The following GALNT13 variants were observed in gnomAD, a reference collection of about 807,000 sequenced individuals.
GALNT13 encodes the protein polypeptide N-acetylgalactosaminyltransferase 13, also known as UDP-GalNAc:polypeptide N-acetylgalactosaminyltransferase 13.
A neutral mutation model predicts 64.2 loss-of-function variants in GALNT13; 28 were observed. The ratio of observed to expected loss-of-function variants is 0.44; its 90% CI spans 0.32 to 0.60. GALNT13 has a LOEUF of 0.60. Among genes scored for constraint, GALNT13 ranks in the 20% least tolerant of loss-of-function variants. The pLI is 0.05. For synonymous variants in GALNT13, 214 were observed against 224.6 expected, an observed-to-expected ratio of 0.95 and a Z score of 0.42; for missense variants, 577 against 669.8, an observed-to-expected ratio of 0.86 and a Z score of 1.53.
chr2:153,716,551 A>C, the GALNT13 span, among the ~76,000 whole-genome samples: 1 of 152,110 alleles, frequency 6.6e-6, no homozygotes, highest in Non-Finnish European at 1.5e-5. Context: ...AGTTCAGAAA[A>C]ACCTCTATGA....
At chr2:154,201,319 G>A (rs1687155850) in intron 4 of GALNT13, among the ~76,000 whole-genome samples, 1 of 152,120 alleles carries the variant, frequency 6.6e-6, no homozygotes, top group Non-Finnish European at 1.5e-5. Context: ...ATCCTGGCAT[G>A]TCATAGAAGC....
At chr2:153,243,592 G>A in the GALNT13 span, among the ~76,000 whole-genome samples, 1 of 152,248 alleles carries the variant, frequency 6.6e-6, no homozygotes, top group South Asian at 2.1e-4. Flanking sequence ...GAAGCAGAAT[G>A]TGTTTTTGCA....
chr2:153,267,035 G>A, the GALNT13 span, among the ~76,000 whole-genome samples: 1 of 152,202 alleles, frequency 6.6e-6, no homozygotes, highest in Admixed American at 6.5e-5. Flanking sequence ...GGAGAAATTG[G>A]CCAAAACAAA....
At chr2:153,748,801 C>A in the GALNT13 span, among the ~76,000 whole-genome samples, 1 of 152,006 alleles carries the variant, frequency 6.6e-6, no homozygotes, top group East Asian at 1.9e-4. Flanking sequence ...TCCATTTATG[C>A]TTTGGTTGCC....
chr2:153,635,141 C>T, the GALNT13 span, among the ~76,000 whole-genome samples: 3 of 151,968 alleles, frequency 2.0e-5, no homozygotes, highest in African/African-American at 4.8e-5. Flanking sequence ...AGGTGAGACT[C>T]TTGAAGCAAA....
At chr2:153,628,578 G>A in the GALNT13 span, among the ~76,000 whole-genome samples, 1 of 151,970 alleles carries the variant, frequency 6.6e-6, no homozygotes, top group Admixed American at 6.6e-5. Context: ...TTTGTCAAAG[G>A]CCTTTTCTGC....
At chr2:153,989,078 C>T (rs1694995881) in intron 3 of GALNT13, among the ~76,000 whole-genome samples, 1 of 151,894 alleles carries the variant, frequency 6.6e-6, no homozygotes, top group African/African-American at 2.4e-5. Flanking sequence ...TTTCCAGTGC[C>T]TTAAGAATGC....
intron 2 of GALNT13, among the ~76,000 whole-genome samples, chr2:153,915,902 C>T (rs896217467): frequency 1.3e-5 from 2 of 152,252 alleles, no homozygotes; most frequent in Non-Finnish European, 2.9e-5. Flanking sequence ...TCTACCTACC[C>T]ATCATTACTC....
intron 3 of GALNT13, among the ~76,000 whole-genome samples, chr2:154,108,175 G>T (rs1041904952): frequency 7.3e-5 from 11 of 149,768 alleles, no homozygotes; most frequent in African/African-American, 2.7e-4. Flanking sequence ...CTTTTTTTGA[G>T]GAATCTCTGT....
intron 3 of GALNT13, among the ~76,000 whole-genome samples, chr2:154,123,419 A>G (rs1490355362): frequency 1.3e-5 from 2 of 152,154 alleles, no homozygotes; most frequent in Non-Finnish European, 1.5e-5. Flanking sequence ...GGGGATCAAG[A>G]TGACAAAATA....
chr2:153,334,994 A>C, the GALNT13 span, among the ~76,000 whole-genome samples: 1 of 152,084 alleles, frequency 6.6e-6, no homozygotes, highest in Non-Finnish European at 1.5e-5. Flanking sequence ...TTCCCATGCT[A>C]TTCAAGTGAT....
In GALNT13 at chr2:154,446,195, T is replaced by C. The variant is rs146022766; in HGVS notation, c.1531-4216T>C. Among the ~76,000 whole-genome samples, 547 of 152,230 alleles carry C rather than the reference T, an allele frequency of 3.6e-3. 4 individuals are homozygous for C. The highest frequency in any genetic ancestry group is 0.012 in the African/African-American group (512 of 41,556). ...GAAAGAATGAGGAGGCCAAGGGCCA[T>C]AGCTGGACTAATCAACTATTTTGAA... On this transcript the variant is annotated intron_variant, in intron 12 of 12. Transcript: ENST00000392825.
chr2:154,230,584 A>T (rs1327598692), intron 4 of GALNT13, among the ~76,000 whole-genome samples: 1 of 152,146 alleles, frequency 6.6e-6, no homozygotes, highest in Non-Finnish European at 1.5e-5. Context: ...CTAGATAAAC[A>T]GGGTGTTTTA....
intron 4 of GALNT13, among the ~76,000 whole-genome samples, chr2:154,179,675 G>C (rs898445524): frequency 1.3e-5 from 2 of 151,954 alleles, no homozygotes; most frequent in South Asian, 2.1e-4. Flanking sequence ...CCACAAAGAC[G>C]TACTAAATGC....
intron 2 of GALNT13, among the ~76,000 whole-genome samples, chr2:153,912,938 C>T (rs372328937): frequency 6.6e-6 from 1 of 152,196 alleles, no homozygotes; most frequent in Non-Finnish European, 1.5e-5. Flanking sequence ...CACTTGTCAG[C>T]TGTGGCAGGG....
the GALNT13 span, among the ~76,000 whole-genome samples, chr2:153,725,593 G>T: frequency 6.6e-6 from 1 of 151,930 alleles, no homozygotes; most frequent in African/African-American, 2.4e-5. Context: ...ATAGGGAATA[G>T]CTGAGAAAAT....
chr2:153,531,721 A>G, the GALNT13 span, among the ~76,000 whole-genome samples: 1 of 152,200 alleles, frequency 6.6e-6, no homozygotes, highest in Non-Finnish European at 1.5e-5. Context: ...ATAACTACTT[A>G]GTTACTTTGA....
chr2:154,145,070 CTCTATCTA>C (rs57991813), intron 4 of GALNT13, among the ~76,000 whole-genome samples: 6,705 of 135,796 alleles, frequency 0.049, 270 homozygotes, highest in East Asian at 0.11. Context: ...CTCTCTCTCT[CTCTATCTA>C]TCTATCTATC....
the GALNT13 span, among the ~76,000 whole-genome samples, chr2:153,730,228 T>C: frequency 2.0e-5 from 3 of 152,018 alleles, no homozygotes; most frequent in East Asian, 5.8e-4. Context: ...AGCATGGTAC[T>C]GGTTTAAAAA....
Sources: gnomAD v4.1 joint callset for allele counts (sites outside exome capture counted in the v4.1 genomes callset) on GRCh38, gnomAD v4.1.1 for gene constraint, MANE v1.5 for transcripts, NCBI Gene and HGNC (gene_info 2026-07-23, HGNC 2026-07-21) for gene names.